Variants in PTPN3 observed in about 807,000 individuals in gnomAD.
The protein encoded by PTPN3 is protein tyrosine phosphatase non-receptor type 3, also known as tyrosine-protein phosphatase non-receptor type 3.
In PTPN3, 96 loss-of-function variants were observed where a neutral mutation model predicts 132.7. The ratio of observed to expected loss-of-function variants is 0.72; its 90% CI spans 0.61 to 0.86. The LOEUF (loss-of-function observed/expected upper bound fraction) is 0.86. PTPN3 is among the 40% of genes least tolerant of loss of function. PTPN3 has a pLI of 0.00. For synonymous variants in PTPN3, 398 were observed against 429.0 expected (o/e 0.93, Z 0.89); for missense variants, 1,125 against 1,159.6 (o/e 0.97, Z 0.43).
intron 14 of PTPN3, among the ~76,000 whole-genome samples, chr9:109,415,643 G>A (rs1253888121): frequency 2.0e-5 from 3 of 152,202 alleles, no homozygotes; most frequent in Admixed American, 6.5e-5. Context: ...AGAGACGATG[G>A]TGGCTGCATG....
intron 5 of PTPN3, chr9:109,451,094 G>C (rs1051705578): frequency 1.0e-5 from 10 of 971,964 alleles, no homozygotes; most frequent in Admixed American, 6.2e-5. Flanking sequence ...CCTGGTCCAA[G>C]ATAAGATGAT....
At chr9:109,385,260 C>T (rs910867716) in intron 22 of PTPN3, among the ~76,000 whole-genome samples, 1 of 152,182 alleles carries the variant, frequency 6.6e-6, no homozygotes, top group African/African-American at 2.4e-5. Context: ...CTGTGGAGAT[C>T]CTGAGTTTCA....
chr9:109,390,061 A>G (rs1383961580), intron 21 of PTPN3, among the ~76,000 whole-genome samples: 1 of 152,190 alleles, frequency 6.6e-6, no homozygotes, highest in Non-Finnish European at 1.5e-5. Context: ...CTTCTAATTC[A>G]TGGTTCGGCT....
chr9:109,529,630 G>A, the PTPN3 span, among the ~76,000 whole-genome samples: 1 of 152,116 alleles, frequency 6.6e-6, no homozygotes, highest in East Asian at 1.9e-4. Flanking sequence ...GGCTTCTAAT[G>A]AATTAAAACT....
chr9:109,491,151 A>G (rs912942003), intron 1 of PTPN3, among the ~76,000 whole-genome samples: 4 of 149,872 alleles, frequency 2.7e-5, no homozygotes, highest in African/African-American at 9.8e-5. Flanking sequence ...AACTGAGATC[A>G]CACCACTGCA....
chr9:109,428,481 C>T (rs1286426555), intron 11 of PTPN3, 140 bp downstream of exon 11: 1 of 791,430 alleles, frequency 1.3e-6, no homozygotes, highest in Non-Finnish European at 2.0e-6. Flanking sequence ...CAAAGTGGTG[C>T]ATGTTTCTAG....
chr9:109,497,610 G>C (rs76954947), intron 1 of PTPN3, among the ~76,000 whole-genome samples: 1 of 152,182 alleles, frequency 6.6e-6, no homozygotes, highest in African/African-American at 2.4e-5. Flanking sequence ...TTTCGGGGGG[G>C]CTGGGCACTC....
At chr9:109,480,632 A>G (rs528985902) in intron 1 of PTPN3, among the ~76,000 whole-genome samples, 4 of 152,290 alleles carry the variant, frequency 2.6e-5, no homozygotes, top group South Asian at 4.1e-4. Flanking sequence ...GTTTACCCCT[A>G]TGTTTTCTTC....
At chr9:109,414,179 A>T (rs948895446) in intron 14 of PTPN3, among the ~76,000 whole-genome samples, 1 of 152,250 alleles carries the variant, frequency 6.6e-6, no homozygotes, top group Non-Finnish European at 1.5e-5. Flanking sequence ...TAAAAGAGCA[A>T]GGAATTTACT....
chr9:109,403,069 G>T (rs935510116), intron 19 of PTPN3, among the ~76,000 whole-genome samples: 1 of 152,154 alleles, frequency 6.6e-6, no homozygotes, highest in African/African-American at 2.4e-5. Flanking sequence ...CAGACGCCCT[G>T]TCTCTAAATA....
chr9:109,448,708 T>C (rs1246564424), intron 6 of PTPN3, 103 bp downstream of exon 6: 3 of 1,170,942 alleles, frequency 2.6e-6, no homozygotes, highest in Non-Finnish European at 3.7e-6. Flanking sequence ...GCACATCCAC[T>C]CTGTTTAGAT....
At chr9:109,433,233 C>A in intron 9 of PTPN3, 72 bp from the exon 10 acceptor site, 2 of 1,585,984 alleles carry the variant, frequency 1.3e-6, no homozygotes, top group Non-Finnish European at 1.7e-6. Context: ...CTTTAAAGCA[C>A]CCACGCTGTT....
chr9:109,406,060 C>T (rs1841536805), intron 18 of PTPN3, among the ~76,000 whole-genome samples: 1 of 152,220 alleles, frequency 6.6e-6, no homozygotes, highest in African/African-American at 2.4e-5. Context: ...CTCCTCACTG[C>T]CTCCCCGACA....
chr9:109,481,306 G>A (rs542995090), intron 1 of PTPN3, among the ~76,000 whole-genome samples: 1 of 152,274 alleles, frequency 6.6e-6, no homozygotes, highest in Non-Finnish European at 1.5e-5. Flanking sequence ...AGATAAGCAA[G>A]AGAAATACAT....
chr9:109,447,766 T>A (rs1203203440), intron 6 of PTPN3, among the ~76,000 whole-genome samples: 16 of 152,202 alleles, frequency 1.1e-4, no homozygotes, highest in Admixed American at 5.2e-4. Context: ...CAGTCTTCCC[T>A]TGTGCACAAT....
At chr9:109,444,289 C>T (rs924009634) in intron 7 of PTPN3, among the ~76,000 whole-genome samples, 1 of 152,180 alleles carries the variant, frequency 6.6e-6, no homozygotes, top group South Asian at 2.1e-4. Flanking sequence ...ACATTTTGCT[C>T]TCATCTGGCT....
intron 1 of PTPN3, among the ~76,000 whole-genome samples, chr9:109,481,787 T>C (rs73654249): frequency 0.032 from 4,926 of 152,304 alleles, 239 homozygotes; most frequent in African/African-American, 0.11. Context: ...ATACTCAGTG[T>C]GTAGCATGTC....
chr9:109,408,795 A>T (rs1564404071), intron 16 of PTPN3, among the ~76,000 whole-genome samples: 61 of 85,522 alleles, frequency 7.1e-4, no homozygotes, highest in African/African-American at 2.8e-3. Flanking sequence ...AAAAAAAAAA[A>T]AATATATATA....
chr9:109,433,311 A>C (rs1843793370), intron 9 of PTPN3, 150 bp from the exon 10 acceptor site: 7 of 1,314,004 alleles, frequency 5.3e-6, no homozygotes, highest in African/African-American at 1.5e-5. Flanking sequence ...AGCCCCACTT[A>C]ACGGATACTT....
Sources: allele counts gnomAD v4.1 joint callset (sites outside exome capture counted in the v4.1 genomes callset), GRCh38; gene constraint gnomAD v4.1.1; transcripts MANE v1.5; gene names NCBI Gene and HGNC (gene_info 2026-07-23, HGNC 2026-07-21).